CORO1C: variants seen among roughly 807,000 people sequenced by gnomAD.
CORO1C encodes the protein coronin-1C.
CORO1C carries 14 observed loss-of-function variants against 51.2 expected under a neutral mutation model. That is an observed-to-expected ratio of 0.27 (90% confidence interval 0.18 to 0.43). The LOEUF (loss-of-function observed/expected upper bound fraction) is 0.43, where lower values mean the gene tolerates loss of function less well. Among genes scored for constraint, CORO1C ranks in the 20% least tolerant of loss-of-function variants. The pLI is 1.00. For synonymous variants in CORO1C, 181 were observed against 210.5 expected (o/e 0.86, Z 1.21); for missense variants, 417 against 607.8 (o/e 0.69, Z 3.30).
At chr12:108,672,539 G>A (rs576542877) in intron 3 of CORO1C, among the ~76,000 whole-genome samples, 3 of 152,152 alleles carry the variant, frequency 2.0e-5, no homozygotes, top group African/African-American at 7.2e-5. Flanking sequence ...CTAAGACCCT[G>A]CATTCTCTGT....
chr12:108,661,380 T>C (rs1463989160), intron 4 of CORO1C, among the ~76,000 whole-genome samples: 1 of 152,198 alleles, frequency 6.6e-6, no homozygotes, highest in African/African-American at 2.4e-5. Context: ...GGTCACAGCC[T>C]ACCACCAAGT....
chr12:108,660,851 C>A (rs1164260131), intron 4 of CORO1C, among the ~76,000 whole-genome samples: 2 of 152,116 alleles, frequency 1.3e-5, no homozygotes, highest in African/African-American at 4.8e-5. Flanking sequence ...AAAAACATGG[C>A]ATCTTTTTTG....
intron 2 of CORO1C, among the ~76,000 whole-genome samples, chr12:108,692,365 G>A (rs2034526596): frequency 6.6e-6 from 1 of 152,218 alleles, no homozygotes; most frequent in Non-Finnish European, 1.5e-5. Flanking sequence ...TGTACAAAGG[G>A]CTACCGGCAC....
chr12:108,721,148 C>T (rs1476086222), intron 1 of CORO1C, among the ~76,000 whole-genome samples: 1 of 152,218 alleles, frequency 6.6e-6, no homozygotes, highest in Non-Finnish European at 1.5e-5. Flanking sequence ...ATAGAAATCA[C>T]TAACACTAGT....
At position 108,678,225 on chromosome 12, in the gene CORO1C, A is replaced by G. The variant is rs576345072; in HGVS notation, c.318+47T>C. On this transcript the variant is annotated intron_variant, in intron 3 of 10. Coordinates refer to ENST00000261401, the MANE Select transcript of CORO1C (RefSeq NM_014325.4). ...CCACACACATGCTTTTGAAAGCAGT[A>G]GGTGAGTCTCACTGGCCTGTGTGCA... 7.6e-6 allele frequency: 12 copies of G among 1,573,572 alleles called. No individual in the cohort carries two copies. In the South Asian group the frequency reaches 1.4e-4, roughly 18 times the overall value.
chr12:108,699,099 A>G (rs1262619074), intron 2 of CORO1C, among the ~76,000 whole-genome samples: 2 of 152,226 alleles, frequency 1.3e-5, no homozygotes, highest in African/African-American at 4.8e-5. Context: ...CTAAAAAGCA[A>G]CACCTCATCT....
intron 4 of CORO1C, among the ~76,000 whole-genome samples, chr12:108,659,787 T>C (rs945215449): frequency 6.6e-6 from 1 of 152,232 alleles, no homozygotes; most frequent in African/African-American, 2.4e-5. Flanking sequence ...TAAGGCCTGT[T>C]TGCTCACAAC....
chr12:108,678,208 A>G (rs2033979586), intron 3 of CORO1C, 64 bp downstream of exon 3: 2 of 1,520,452 alleles, frequency 1.3e-6, no homozygotes, highest in East Asian at 2.3e-5. Context: ...ACCCACACAC[A>G]TGCTTTTGAA....
intron 1 of CORO1C, among the ~76,000 whole-genome samples, chr12:108,715,711 C>A (rs1394906123): frequency 3.8e-5 from 5 of 130,476 alleles, no homozygotes; most frequent in Non-Finnish European, 1.6e-5. Context: ...AGACCAGACT[C>A]AGAAGCTTAA....
chr12:108,662,198 T>C (rs1244103415), intron 3 of CORO1C, 40 bp from the exon 4 acceptor site: 8 of 1,582,522 alleles, frequency 5.1e-6, no homozygotes, highest in African/African-American at 1.3e-5. Flanking sequence ...ATGAAAGCTA[T>C]TGCCTTTCAT....
chr12:108,689,663 G>A (rs2034429024), intron 2 of CORO1C, among the ~76,000 whole-genome samples: 1 of 152,134 alleles, frequency 6.6e-6, no homozygotes, highest in African/African-American at 2.4e-5. Flanking sequence ...CCCATCCTGG[G>A]GAAGGCAAAC....
intron 2 of CORO1C, among the ~76,000 whole-genome samples, chr12:108,689,699 A>T (rs1473634483): frequency 6.6e-6 from 1 of 152,262 alleles, no homozygotes; most frequent in African/African-American, 2.4e-5. Context: ...GACCTGACTC[A>T]AAGAACAGTT....
intron 3 of CORO1C, among the ~76,000 whole-genome samples, chr12:108,677,173 T>G (rs2033937899): frequency 6.6e-6 from 1 of 152,208 alleles, no homozygotes; most frequent in African/African-American, 2.4e-5. Context: ...ACAAATTAAT[T>G]AGAGACCATC....
chr12:108,674,638 T>C lies in CORO1C; in HGVS notation c.318+3634A>G, dbSNP rs192016347. Among the ~76,000 whole-genome samples the C allele has an allele frequency of 5.3e-5, 8 of 152,004 alleles. No homozygotes were observed. In the East Asian group the frequency reaches 1.5e-3, roughly 29 times the overall value. On this transcript the variant is annotated intron_variant, in intron 3 of 10. Coordinates refer to ENST00000261401, the MANE Select transcript of CORO1C (RefSeq NM_014325.4). ...AATTCATGATTCGTGGAAGGAGTTC[T>C]AAATATCAACATTTGAGGAGTTCAA...
At chr12:108,700,916 T>C in intron 2 of CORO1C, 2 of 561,422 alleles carry the variant, frequency 3.6e-6, no homozygotes, top group Non-Finnish European at 3.1e-6. Flanking sequence ...ATAGAGGGCA[T>C]CCCCAGAACA....
At chr12:108,661,915 C>A (rs1245455915) in intron 4 of CORO1C, 114 bp downstream of exon 4, 1 of 1,188,098 alleles carries the variant, frequency 8.4e-7, no homozygotes, top group African/African-American at 1.5e-5. Context: ...CCATGGTTTC[C>A]TAATAATCTG....
intron 2 of CORO1C, among the ~76,000 whole-genome samples, chr12:108,689,072 C>G (rs369914755): frequency 6.9e-6 from 1 of 145,908 alleles, no homozygotes; most frequent in East Asian, 2.0e-4. Flanking sequence ...TGGTGTTGGG[C>G]ACCTGTAATC....
At chr12:108,677,817 G>A (rs898556015) in intron 3 of CORO1C, among the ~76,000 whole-genome samples, 3 of 152,060 alleles carry the variant, frequency 2.0e-5, no homozygotes, top group Non-Finnish European at 2.9e-5. Flanking sequence ...TCAGGAGTTC[G>A]AGACCAGCCT....
intron 1 of CORO1C, among the ~76,000 whole-genome samples, chr12:108,704,968 G>A (rs2034985895): frequency 6.6e-6 from 1 of 152,218 alleles, no homozygotes; most frequent in African/African-American, 2.4e-5. Context: ...ATCAATTGGT[G>A]ATGGGATGGT....
Sources: gnomAD v4.1 joint callset for allele counts (sites outside exome capture counted in the v4.1 genomes callset) on GRCh38, gnomAD v4.1.1 for gene constraint, MANE v1.5 for transcripts, NCBI Gene and HGNC (gene_info 2026-07-23, HGNC 2026-07-21) for gene names.